The following SYT14 variants were observed in gnomAD, a reference collection of about 807,000 sequenced individuals.
SYT14 encodes synaptotagmin-14.
A neutral mutation model predicts 74.2 loss-of-function variants in SYT14; 32 were observed. The ratio of observed to expected loss-of-function variants is 0.43; its 90% confidence interval spans 0.33 to 0.58. The LOEUF is 0.58. Ranked by LOEUF, SYT14 falls within the 20% of genes least tolerant of loss-of-function variation. The probability of loss-of-function intolerance (pLI) is 0.05; values close to 1 mark genes in which losing one functional copy is unlikely to be tolerated. For missense variants in SYT14, 791 were observed against 981.8 expected, an observed-to-expected ratio of 0.81 and a Z score of 2.60; for synonymous variants, 298 against 337.7, an observed-to-expected ratio of 0.88 and a Z score of 1.29.
intron 5 of SYT14, among the ~76,000 whole-genome samples, chr1:210,047,140 C>G (rs1398909281): frequency 6.6e-6 from 1 of 151,760 alleles, no homozygotes; most frequent in Non-Finnish European, 1.5e-5. Context: ...TCCTTTTAAA[C>G]CGGAATTTAA....
chr1:210,059,451 T>TATATATATATATATATATAGAGAGAG (rs377050610), intron 5 of SYT14, among the ~76,000 whole-genome samples: 4 of 69,888 alleles, frequency 5.7e-5, no homozygotes, highest in Admixed American at 1.6e-4. Context: ...TATATATATA[T>TATATATATATATATATATAGAGAGAG]AGAGAGAGAG....
rs144389732 is a variant in SYT14, at chr1:210,013,608, C to G, written c.-485-25C>G. ...TAGCTTAAAGAAAAATAAATGCTTA[C>G]AGCTGTGACTTTTTTTTTCTCTAGT... On this transcript the variant is annotated intron_variant, in intron 2 of 9. Coordinates refer to ENST00000637265, the Ensembl canonical transcript of SYT14. 4.4e-6 allele frequency: 7 copies of G among 1,605,328 alleles called. No individual in the cohort carries two copies. The South Asian group carries it at 7.9e-5, about 18-fold the overall frequency.
At chr1:209,999,813 A>G (rs1261701342) in intron 2 of SYT14, among the ~76,000 whole-genome samples, 1 of 152,170 alleles carries the variant, frequency 6.6e-6, no homozygotes, top group Non-Finnish European at 1.5e-5. Context: ...ATAGTTAAAT[A>G]GAAGGAATAA....
At chr1:209,991,181 A>G (rs897543787) in intron 2 of SYT14, among the ~76,000 whole-genome samples, 6 of 152,208 alleles carry the variant, frequency 3.9e-5, no homozygotes, top group African/African-American at 7.2e-5. Flanking sequence ...AAAAGTGTAG[A>G]AGAAAATCTA....
chr1:210,069,471 C>A (rs1373671635), intron 5 of SYT14, among the ~76,000 whole-genome samples: 1 of 152,088 alleles, frequency 6.6e-6, no homozygotes, highest in East Asian at 1.9e-4. Context: ...AAGGGACTTA[C>A]ATGTTTACAA....
chr1:209,970,686 T>A (rs1478314186), intron 2 of SYT14, among the ~76,000 whole-genome samples: 6 of 87,532 alleles, frequency 6.9e-5, no homozygotes, highest in African/African-American at 2.4e-4. Context: ...TTTTTTTTTT[T>A]TTTTTTTTTT....
At chr1:210,151,404 T>C (rs539392128) in intron 7 of SYT14, among the ~76,000 whole-genome samples, 8 of 152,180 alleles carry the variant, frequency 5.3e-5, no homozygotes, top group Non-Finnish European at 1.2e-4. Context: ...TGTTTGTTTT[T>C]GAGACAGATC....
chr1:210,112,306 A>G (rs911244274), intron 7 of SYT14, among the ~76,000 whole-genome samples: 1 of 151,152 alleles, frequency 6.6e-6, no homozygotes, highest in Non-Finnish European at 1.5e-5. Flanking sequence ...CCTGAGGAGG[A>G]GTGGAATAGC....
chr1:210,058,583 T>C (rs1232820114), intron 5 of SYT14, among the ~76,000 whole-genome samples: 1 of 152,162 alleles, frequency 6.6e-6, no homozygotes, highest in Non-Finnish European at 1.5e-5. Flanking sequence ...TCTTGGTAGT[T>C]CCTCCGTGAC....
intron 2 of SYT14, among the ~76,000 whole-genome samples, chr1:210,006,662 G>C (rs1163284778): frequency 1.3e-5 from 2 of 151,792 alleles, no homozygotes; most frequent in Non-Finnish European, 3.0e-5. Context: ...ATTGTAAGTT[G>C]TTACTTTTTA....
intron 2 of SYT14, among the ~76,000 whole-genome samples, chr1:209,956,850 G>A (rs1356966260): frequency 1.3e-5 from 2 of 152,078 alleles, no homozygotes; most frequent in Non-Finnish European, 2.9e-5. Context: ...AGATGTAATA[G>A]GGTTGTTTTG....
chr1:210,038,234 A>G (rs1446658694), intron 5 of SYT14, among the ~76,000 whole-genome samples: 1 of 152,108 alleles, frequency 6.6e-6, no homozygotes, highest in African/African-American at 2.4e-5. Flanking sequence ...AAATGTAGCT[A>G]TTCCTACTCA....
intron 2 of SYT14, among the ~76,000 whole-genome samples, chr1:209,995,481 TA>T (rs2079772383): frequency 6.6e-6 from 1 of 152,192 alleles, no homozygotes; most frequent in African/African-American, 2.4e-5. Context: ...CCCAGATTCA[TA>T]AAACCAGTTC....
intron 2 of SYT14, among the ~76,000 whole-genome samples, chr1:209,966,596 G>T (rs1290974252): frequency 6.6e-6 from 1 of 152,030 alleles, no homozygotes; most frequent in Non-Finnish European, 1.5e-5. Flanking sequence ...ATTTTTTAAT[G>T]TTGTAAATAG....
chr1:209,991,115 A>G (rs139372864), intron 2 of SYT14, among the ~76,000 whole-genome samples: 346 of 152,304 alleles, frequency 2.3e-3, no homozygotes, highest in African/African-American at 7.6e-3. Flanking sequence ...CTCTCACCAC[A>G]TACAAAAAAT....
At chr1:210,143,010 A>G (rs1364723813) in intron 7 of SYT14, among the ~76,000 whole-genome samples, 1 of 152,204 alleles carries the variant, frequency 6.6e-6, no homozygotes, top group Non-Finnish European at 1.5e-5. Context: ...TAGGGCTAGC[A>G]ACAGGTAGAA....
chr1:210,077,334 A>C (rs563422453), intron 5 of SYT14, among the ~76,000 whole-genome samples: 40 of 152,066 alleles, frequency 2.6e-4, no homozygotes, highest in Non-Finnish European at 5.1e-4. Context: ...TGAGGGATCC[A>C]CCCCATCACC....
At position 210,100,351 on chromosome 1, in the gene SYT14, C is replaced by T. The variant is rs867886951; in HGVS notation, c.1924C>T (p.Arg642Cys). The change falls in exon 7 of 10, where the codon CGC becomes TGC. Residue 642 changes from arginine to cysteine, a missense_variant. Arg to Cys is a radical substitution (Grantham distance 180, BLOSUM62 -3). Transcript: ENST00000637265. ...TCGGTTTAGACTGTATGGTGTACAT[C>T]GCATGAAAAAAGAAAAGATTGTGGG... 5 of 1,613,752 alleles carry T rather than the reference C, an allele frequency of 3.1e-6. No homozygotes were observed. Among genetic ancestry groups the T allele is most frequent in the Non-Finnish European group, 4.2e-6 (5 of 1,179,896 alleles).
At chr1:210,118,409 T>C (rs1186925171) in intron 7 of SYT14, among the ~76,000 whole-genome samples, 2 of 152,064 alleles carry the variant, frequency 1.3e-5, no homozygotes, top group Non-Finnish European at 2.9e-5. Context: ...ATTATATATA[T>C]TTAAGGAAGC....
Sources: gnomAD v4.1 joint callset for allele counts (sites outside exome capture counted in the v4.1 genomes callset) on GRCh38, gnomAD v4.1.1 for gene constraint, MANE v1.5 for transcripts, NCBI Gene and HGNC (gene_info 2026-07-23, HGNC 2026-07-21) for gene names.